Variants in NOS1AP observed in about 807,000 individuals in gnomAD.
The protein encoded by NOS1AP is carboxyl-terminal PDZ ligand of neuronal nitric oxide synthase protein.
A neutral mutation model predicts 56.2 loss-of-function variants in NOS1AP; 21 were observed. That is an observed-to-expected ratio of 0.37 (90% CI 0.26 to 0.54). NOS1AP has a LOEUF of 0.54. NOS1AP is among the 20% of genes least tolerant of loss of function. The pLI, the probability that NOS1AP is intolerant of heterozygous loss-of-function variation, is 0.84. For synonymous variants in NOS1AP, 270 were observed against 274.6 expected (o/e 0.98, Z 0.17); for missense variants, 522 against 657.8 (o/e 0.79, Z 2.26).
chr1:162,293,007 C>T (rs190313712), intron 3 of NOS1AP, among the ~76,000 whole-genome samples: 15 of 152,324 alleles, frequency 9.8e-5, no homozygotes, highest in African/African-American at 2.9e-4. Flanking sequence ...TTCTTTCCAC[C>T]GTGCTGTGTT....
intron 2 of NOS1AP, among the ~76,000 whole-genome samples, chr1:162,260,977 A>G (rs1654192160): frequency 7.0e-6 from 1 of 143,302 alleles, no homozygotes; most frequent in Admixed American, 7.3e-5. Context: ...TTCAAGCAAT[A>G]ATTATTTCAT....
intron 2 of NOS1AP, among the ~76,000 whole-genome samples, chr1:162,173,369 T>C (rs1650897164): frequency 6.6e-6 from 1 of 152,124 alleles, no homozygotes; most frequent in Non-Finnish European, 1.5e-5. Context: ...TAGCCATATG[T>C]AGAAAGCTGA....
intron 2 of NOS1AP, among the ~76,000 whole-genome samples, chr1:162,283,132 T>C (rs959337811): frequency 1.3e-4 from 20 of 151,616 alleles, no homozygotes; most frequent in African/African-American, 4.1e-4. Flanking sequence ...TAAAAATCCA[T>C]GGATATGTTA....
At chr1:162,281,431 T>C (rs572323182) in intron 2 of NOS1AP, among the ~76,000 whole-genome samples, 7 of 152,198 alleles carry the variant, frequency 4.6e-5, no homozygotes, top group Non-Finnish European at 1.0e-4. Flanking sequence ...CTTGCTCTCA[T>C]GAAGGGTATG....
chr1:162,271,419 G>T (rs1654580542), intron 2 of NOS1AP, among the ~76,000 whole-genome samples: 4 of 152,166 alleles, frequency 2.6e-5, no homozygotes, highest in Non-Finnish European at 5.9e-5. Context: ...AGGGCCACGT[G>T]GTGAGCACCA....
At chr1:162,137,317 G>A (rs775515348) in intron 1 of NOS1AP, among the ~76,000 whole-genome samples, 10 of 152,150 alleles carry the variant, frequency 6.6e-5, no homozygotes, top group African/African-American at 2.2e-4. Context: ...CCTGTGAGCC[G>A]TTTGTCTGTC....
At chr1:162,201,883 C>T (rs1420920247) in intron 2 of NOS1AP, among the ~76,000 whole-genome samples, 1 of 152,196 alleles carries the variant, frequency 6.6e-6, no homozygotes, top group East Asian at 1.9e-4. Context: ...CAAAAATTTC[C>T]TCTCATTCTA....
chr1:162,290,849 C>T (rs1010571069), intron 3 of NOS1AP, among the ~76,000 whole-genome samples: 1 of 152,126 alleles, frequency 6.6e-6, no homozygotes, highest in African/African-American at 2.4e-5. Context: ...GCCTGTGGTT[C>T]TAAGCATGTT....
intron 5 of NOS1AP, among the ~76,000 whole-genome samples, chr1:162,339,451 C>A (rs1024390224): frequency 6.6e-6 from 1 of 151,582 alleles, no homozygotes; most frequent in Non-Finnish European, 1.5e-5. Flanking sequence ...GATTTTGGAA[C>A]TCAAAAAGGC....
chr1:162,342,728 G>T, intron 5 of NOS1AP: 1 of 382,908 alleles, frequency 2.6e-6, no homozygotes, highest in South Asian at 2.0e-5. Context: ...CTACTTGATT[G>T]CTGCCATTAC....
At chr1:162,108,744 G>A (rs1302671348) in intron 1 of NOS1AP, among the ~76,000 whole-genome samples, 1 of 152,062 alleles carries the variant, frequency 6.6e-6, no homozygotes, top group Non-Finnish European at 1.5e-5. Context: ...ACAGGGGGCA[G>A]AGGAATGTGT....
chr1:162,314,986 C>T (rs1016416651), intron 4 of NOS1AP, among the ~76,000 whole-genome samples: 2 of 152,120 alleles, frequency 1.3e-5, no homozygotes, highest in Non-Finnish European at 1.5e-5. Context: ...TTTACCTTCC[C>T]AAGAGATATT....
intron 8 of NOS1AP, among the ~76,000 whole-genome samples, chr1:162,361,149 G>C (rs1657892205): frequency 6.6e-6 from 1 of 152,206 alleles, no homozygotes; most frequent in South Asian, 2.1e-4. Context: ...TAGTATGTAA[G>C]TACAACATTC....
chr1:162,174,063 A>G (rs1650938842), intron 2 of NOS1AP, among the ~76,000 whole-genome samples: 1 of 152,218 alleles, frequency 6.6e-6, no homozygotes, highest in African/African-American at 2.4e-5. Flanking sequence ...TACTGGGTAT[A>G]TACCCAAAGG....
At chr1:162,300,516 C>T in intron 3 of NOS1AP, 117 bp from the exon 4 acceptor site, 1 of 865,014 alleles carries the variant, frequency 1.2e-6, no homozygotes, top group South Asian at 1.3e-5. Context: ...AACTCCAGGC[C>T]TCTTAGAGGG....
chr1:162,119,549 C>T (rs758839420), intron 1 of NOS1AP, among the ~76,000 whole-genome samples: 2 of 152,132 alleles, frequency 1.3e-5, no homozygotes, highest in Non-Finnish European at 2.9e-5. Context: ...GCAAAGGACT[C>T]GTACTGCTGC....
intron 2 of NOS1AP, among the ~76,000 whole-genome samples, chr1:162,181,052 T>C (rs1180083899): frequency 1.3e-5 from 2 of 152,218 alleles, no homozygotes; most frequent in East Asian, 3.8e-4. Context: ...TCCATGCAAA[T>C]GTATTTCAAA....
At chr1:162,307,631 G>A (rs1655880342) in intron 4 of NOS1AP, among the ~76,000 whole-genome samples, 1 of 152,056 alleles carries the variant, frequency 6.6e-6, no homozygotes, top group South Asian at 2.1e-4. Context: ...GTGAAACCCA[G>A]CCTCTACTAA....
intron 1 of NOS1AP, among the ~76,000 whole-genome samples, chr1:162,076,231 C>T (rs1413026080): frequency 6.6e-6 from 1 of 152,192 alleles, no homozygotes. Context: ...CTGCTGTCTA[C>T]CCTCCCCAGC....
Sources: allele counts gnomAD v4.1 joint callset (sites outside exome capture counted in the v4.1 genomes callset), GRCh38; gene constraint gnomAD v4.1.1; transcripts MANE v1.5; gene names NCBI Gene and HGNC (gene_info 2026-07-23, HGNC 2026-07-21).